Variants in NUBPL observed in about 807,000 individuals in gnomAD.
The protein encoded by NUBPL is NUBP iron-sulfur cluster assembly factor, mitochondrial, also known as iron-sulfur cluster transfer protein NUBPL.
In NUBPL, 31 loss-of-function variants were observed where a neutral mutation model predicts 45.7. That is an observed-to-expected ratio of 0.68 (90% CI 0.51 to 0.92). NUBPL has a LOEUF of 0.92. NUBPL is among the 40% of genes least tolerant of loss of function. The pLI, the probability that NUBPL is intolerant of heterozygous loss-of-function variation, is 0.00. For missense variants in NUBPL, 401 were observed against 398.7 expected, an observed-to-expected ratio of 1.01 and a Z score of -0.05; for synonymous variants, 144 against 140.9, an observed-to-expected ratio of 1.02 and a Z score of -0.15.
At chr14:31,612,462 G>C (rs1300333396) in intron 4 of NUBPL, among the ~76,000 whole-genome samples, 1 of 152,150 alleles carries the variant, frequency 6.6e-6, no homozygotes, top group Non-Finnish European at 1.5e-5. Flanking sequence ...AAGAGATAGA[G>C]ACCATCTGGC....
At chr14:31,602,136 A>G (rs2034452016) in intron 4 of NUBPL, among the ~76,000 whole-genome samples, 1 of 152,128 alleles carries the variant, frequency 6.6e-6, no homozygotes, top group Admixed American at 6.5e-5. Context: ...AACTATCGCA[A>G]GGACAAAAAA....
chr14:31,818,967 G>A (rs2039971383), intron 7 of NUBPL, among the ~76,000 whole-genome samples: 1 of 152,178 alleles, frequency 6.6e-6, no homozygotes, highest in Non-Finnish European at 1.5e-5. Context: ...TGTTGGAAAG[G>A]AGCAAGAGAT....
chr14:31,639,563 C>T (rs982278432), intron 4 of NUBPL, among the ~76,000 whole-genome samples: 7 of 152,260 alleles, frequency 4.6e-5, no homozygotes, highest in African/African-American at 9.6e-5. Context: ...GCAGTCTGCC[C>T]GTTCTTAGAT....
intron 4 of NUBPL, among the ~76,000 whole-genome samples, chr14:31,633,777 A>C (rs1009293471): frequency 2.6e-5 from 4 of 152,150 alleles, no homozygotes; most frequent in African/African-American, 7.2e-5. Context: ...CCTCATGAGA[A>C]TCACCTAATT....
chr14:31,773,793 G>T (rs567283416), intron 6 of NUBPL, among the ~76,000 whole-genome samples: 1 of 152,242 alleles, frequency 6.6e-6, no homozygotes, highest in East Asian at 1.9e-4. Context: ...CAGGTATATG[G>T]CCAGAATCAG....
chr14:31,639,920 T>A (rs138702797), intron 4 of NUBPL, among the ~76,000 whole-genome samples: 7,201 of 151,446 alleles, frequency 0.048, 216 homozygotes, highest in Admixed American at 0.067. Flanking sequence ...TGATGCGCCG[T>A]TTTTTAAGCC....
In NUBPL at chr14:31,822,013, G is replaced by C. The variant is rs149905795; in HGVS notation, c.608-4616G>C. Among the ~76,000 whole-genome samples, 276 of 152,232 alleles carry C rather than the reference G, an allele frequency of 1.8e-3. 1 individual carries two copies. The highest frequency in any genetic ancestry group is 6.3e-3 in the African/African-American group (262 of 41,548). ...ATTGAACTTTTGGACAGAGAGAGTA[G>C]AGGATAGTTATTCGAGGTAGGGAAG... On this transcript the variant is annotated intron_variant, in intron 7 of 10. Coordinates refer to ENST00000281081, the MANE Select transcript of NUBPL (RefSeq NM_025152.3).
chr14:31,767,707 GT>G lies in NUBPL; in HGVS notation c.514-20064del, dbSNP rs57664366. On this transcript the variant is annotated intron_variant, in intron 6 of 10. Transcript: ENST00000281081. ...GATGTGTTTTTTTATTTTGTTTTGT[GT>G]TTTTTTTTGTAAATCTTGCAGGGAG... 8.8e-3 allele frequency among the ~76,000 whole-genome samples: 1,326 copies of G among 151,038 alleles called. 21 individuals carry two copies. The highest frequency in any genetic ancestry group is 0.03 in the African/African-American group (1,235 of 41,124).
At chr14:31,580,378 C>G (rs936316937) in intron 3 of NUBPL, among the ~76,000 whole-genome samples, 2 of 152,128 alleles carry the variant, frequency 1.3e-5, no homozygotes, top group African/African-American at 4.8e-5. Context: ...ATCCCAGCAA[C>G]TTAGGAGGCT....
Position 31,826,808 on chromosome 14 carries a change from C to T in NUBPL, c.693+94C>T, listed in dbSNP as rs1056808755. On this transcript the variant is annotated intron_variant, in intron 8 of 10. Coordinates refer to ENST00000281081, the MANE Select transcript of NUBPL (RefSeq NM_025152.3). ...ATACAGTTGAAGTTTTAATTTAGTC[C>T]TGTACAGAAGTCTTTATGAAAGTCC... 1.2e-5 allele frequency: 15 copies of T among 1,204,258 alleles called. No individual in the cohort carries two copies. The Admixed American group carries it at 2.5e-4, about 20-fold the overall frequency. The allele number at this position is 1,204,258 out of a possible 1,614,324, so 74.6% of individuals were successfully genotyped here. A position where few individuals can be genotyped will look rare whatever the true frequency, so the allele number is the denominator to read the frequency against.
At chr14:31,703,726 A>T (rs1476582938) in intron 6 of NUBPL, among the ~76,000 whole-genome samples, 1 of 152,212 alleles carries the variant, frequency 6.6e-6, no homozygotes, top group African/African-American at 2.4e-5. Context: ...TATGGGAATT[A>T]TGGGAGCTAC....
chr14:31,725,959 C>G (rs2037914104), intron 6 of NUBPL, among the ~76,000 whole-genome samples: 2 of 152,096 alleles, frequency 1.3e-5, no homozygotes, highest in Non-Finnish European at 2.9e-5. Flanking sequence ...ATCTGTCTGC[C>G]TCAGCCTCCC....
At chr14:31,812,790 T>C (rs1189111971) in intron 7 of NUBPL, among the ~76,000 whole-genome samples, 1 of 152,022 alleles carries the variant, frequency 6.6e-6, no homozygotes, top group Non-Finnish European at 1.5e-5. Flanking sequence ...TTAACTTTAC[T>C]GGAGACATCA....
rs1221334625 is a variant in NUBPL, at chr14:31,698,473, A to G, written c.513+24899A>G. On this transcript the variant is annotated intron_variant, in intron 6 of 10. Coordinates refer to ENST00000281081, the MANE Select transcript of NUBPL (RefSeq NM_025152.3). Reference sequence around the variant, plus strand: ...TCACTGACTTTATTTTCCCCCCATCACTTACCAGAGATTGCCAGATGATTC... The same window carrying G: ...TCACTGACTTTATTTTCCCCCCATCGCTTACCAGAGATTGCCAGATGATTC... Among the ~76,000 whole-genome samples the G allele has an allele frequency of 3.3e-5, 5 of 151,540 alleles. No individual in the cohort carries two copies. In the East Asian group the frequency reaches 9.7e-4, roughly 29 times the overall value.
intron 6 of NUBPL, among the ~76,000 whole-genome samples, chr14:31,727,417 G>A (rs753380388): frequency 2.0e-5 from 3 of 152,132 alleles, no homozygotes; most frequent in Non-Finnish European, 4.4e-5. Flanking sequence ...AGGAGGGGTT[G>A]GTGGAATTAG....
chr14:31,637,874 G>T (rs949891828), intron 4 of NUBPL, among the ~76,000 whole-genome samples: 1 of 152,060 alleles, frequency 6.6e-6, no homozygotes, highest in Non-Finnish European at 1.5e-5. Flanking sequence ...ATGTTTGTTG[G>T]TTTAAAGTCT....
At chr14:31,665,093 G>A (rs959864650) in intron 4 of NUBPL, among the ~76,000 whole-genome samples, 55 of 152,000 alleles carry the variant, frequency 3.6e-4, no homozygotes, top group African/African-American at 1.2e-3. Context: ...TTTTCATTGT[G>A]TCTATTTGAT....
At chr14:31,846,678 C>T (rs530024560) in intron 9 of NUBPL, 87 bp downstream of exon 9, 238 of 1,572,272 alleles carry the variant, frequency 1.5e-4, no homozygotes, top group African/African-American at 3.5e-4. Context: ...TCTCAGAGGC[C>T]GGGCACGGAG....
intron 4 of NUBPL, among the ~76,000 whole-genome samples, chr14:31,639,074 C>G (rs2035599731): frequency 6.6e-6 from 1 of 152,294 alleles, no homozygotes; most frequent in East Asian, 1.9e-4. Context: ...CTGAAGCCTT[C>G]TTCTCTCAGC....
Sources: gnomAD v4.1 joint callset for allele counts (sites outside exome capture counted in the v4.1 genomes callset) on GRCh38, gnomAD v4.1.1 for gene constraint, MANE v1.5 for transcripts, NCBI Gene and HGNC (gene_info 2026-07-23, HGNC 2026-07-21) for gene names.